The following MAPK10 variants were observed in gnomAD, a reference collection of about 807,000 sequenced individuals.
MAPK10 encodes JNK3 alpha protein kinase.
MAPK10 carries 25 observed loss-of-function variants against 59.3 expected under a neutral mutation model. The ratio of observed to expected loss-of-function variants is 0.42; its 90% CI spans 0.31 to 0.59. The LOEUF (loss-of-function observed/expected upper bound fraction) is 0.59. Among genes scored for constraint, MAPK10 ranks in the 20% least tolerant of loss-of-function variants. The pLI is 0.15. For missense variants in MAPK10, 351 were observed against 568.9 expected, an observed-to-expected ratio of 0.62 and a Z score of 3.90; for synonymous variants, 190 against 200.5, an observed-to-expected ratio of 0.95 and a Z score of 0.44.
At chr4:86,315,061 C>T (rs1458696210) in intron 2 of MAPK10, among the ~76,000 whole-genome samples, 1 of 151,964 alleles carries the variant, frequency 6.6e-6, no homozygotes, top group Non-Finnish European at 1.5e-5. Flanking sequence ...ATGAATATCC[C>T]TATATAGTCT....
At chr4:86,310,935 T>C (rs11737795) in intron 2 of MAPK10, among the ~76,000 whole-genome samples, 39,230 of 151,740 alleles carry the variant, frequency 0.26, 5,356 homozygotes, top group South Asian at 0.43. Context: ...TGGGCTGTTA[T>C]ATAGGTTTCC....
rs79193195 is a variant in MAPK10 at position 86,246,659 on chromosome 4, A to G, written c.-6-52252T>C. On this transcript the variant is annotated intron_variant, in intron 2 of 13. Transcript: ENST00000641462. ...AATAACTCACTTAAACCTCAGAGTA[A>G]TATCATGAGGTAGGTCCTGTTACCA... Among the ~76,000 whole-genome samples, 447 of 152,294 alleles carry G rather than the reference A, an allele frequency of 2.9e-3. 2 individuals carry two copies. Among genetic ancestry groups the G allele is most frequent in the African/African-American group, 0.01 (434 of 41,568 alleles).
Position 86,064,273 on chromosome 4 carries a change from A to G in MAPK10, c.1103T>C (p.Val368Ala). 1 of 1,614,046 alleles carries G rather than the reference A, an allele frequency of 6.2e-7. No individual in the cohort carries two copies. The highest frequency in any genetic ancestry group is 2.2e-5 in the East Asian group (1 of 44,878). The change falls in exon 11 of 14, where the codon GTG becomes GCG. Residue 368 changes from valine (V) to alanine (A), a missense_variant. Val to Ala is a moderately conservative substitution (Grantham distance 64, BLOSUM62 0). This residue lies in a region of MAPK10 where 155 missense variants were observed against 204.2 expected (regional missense o/e 0.76). Transcript: ENST00000641462. ...YINVWYDPAE[V>A]EAPPPQIYDK... Reference sequence around the variant, plus strand: ...AGGCAGCCTATTTCTTACCGCCTCCACTTCGGCTGGGTCATACCAGACGTT... The same window carrying G: ...AGGCAGCCTATTTCTTACCGCCTCCGCTTCGGCTGGGTCATACCAGACGTT...
chr4:86,390,130 C>T (rs558874302), intron 1 of MAPK10, among the ~76,000 whole-genome samples: 1 of 152,242 alleles, frequency 6.6e-6, no homozygotes, highest in Non-Finnish European at 1.5e-5. Flanking sequence ...TACTGAAATG[C>T]ATATCATTTT....
At chr4:86,281,465 G>A (rs2094800106) in intron 2 of MAPK10, among the ~76,000 whole-genome samples, 1 of 151,536 alleles carries the variant, frequency 6.6e-6, no homozygotes, top group African/African-American at 2.4e-5. Flanking sequence ...CACGTTCACT[G>A]CACTCTAGAC....
intron 2 of MAPK10, among the ~76,000 whole-genome samples, chr4:86,290,628 C>T (rs1178715050): frequency 6.6e-6 from 1 of 152,094 alleles, no homozygotes; most frequent in Non-Finnish European, 1.5e-5. Flanking sequence ...GGTTTTGGGT[C>T]TCTTTTATTT....
chr4:86,357,333 GAATTTATAACTAGGCTTACATCCAA>G (rs1735024908), intron 1 of MAPK10, among the ~76,000 whole-genome samples: 1 of 151,978 alleles, frequency 6.6e-6, no homozygotes, highest in South Asian at 2.1e-4. Context: ...AGTATAAAAA[GAATTTATAACTAGGCTTACATCCAA>G]AGAAACAGAT....
At chr4:86,591,589 G>A (rs2149117625) in intron 1 of MAPK10, among the ~76,000 whole-genome samples, 1 of 152,208 alleles carries the variant, frequency 6.6e-6, no homozygotes, top group East Asian at 1.9e-4. Flanking sequence ...GCCCAGACTG[G>A]TATTGAACTC....
In MAPK10 at chr4:86,147,699, T is replaced by C. The variant is rs184634283; in HGVS notation, c.236+11599A>G. ...TTAATGATTCTTTTAAAATTTGCCA[T>C]ATATCTGTGATATTTATTATCAAAT... On this transcript the variant is annotated intron_variant, in intron 4 of 13. Coordinates refer to ENST00000641462, the MANE Select transcript of MAPK10 (RefSeq NM_138982.4). 8.5e-5 allele frequency among the ~76,000 whole-genome samples: 13 copies of C among 152,350 alleles called. No individual in the cohort carries two copies. The East Asian group carries it at 2.1e-3, about 25-fold the overall frequency.
At chr4:86,195,206 C>T (rs963790329) in intron 2 of MAPK10, among the ~76,000 whole-genome samples, 8 of 152,080 alleles carry the variant, frequency 5.3e-5, no homozygotes, top group African/African-American at 1.9e-4. Flanking sequence ...ATCAGAGAAA[C>T]CCAAATAAAT....
intron 2 of MAPK10, among the ~76,000 whole-genome samples, chr4:86,205,980 A>T (rs1428596406): frequency 6.6e-6 from 1 of 152,056 alleles, no homozygotes; most frequent in Non-Finnish European, 1.5e-5. Context: ...AATTTTTAAA[A>T]TTGGCATACG....
At chr4:86,363,791 CT>C (rs766447194), upstream of MAPK10, among the ~76,000 whole-genome samples, 13 of 151,026 alleles carry the variant, frequency 8.6e-5, no homozygotes, top group Non-Finnish European at 1.5e-4. Context: ...AAATAAAACT[CT>C]TTTTTTTTGA....
At chr4:86,348,519 A>C (rs1166536668) in intron 2 of MAPK10, among the ~76,000 whole-genome samples, 1 of 152,108 alleles carries the variant, frequency 6.6e-6, no homozygotes, top group Non-Finnish European at 1.5e-5. Flanking sequence ...GGGACCTTAG[A>C]TCCTACAGTC....
intron 1 of MAPK10, among the ~76,000 whole-genome samples, chr4:86,391,342 A>C (rs1227337611): frequency 6.6e-6 from 1 of 152,242 alleles, no homozygotes; most frequent in African/African-American, 2.4e-5. Context: ...AAATGGAAAC[A>C]AAATCCTTTA....
chr4:86,552,690 A>G (rs1290626833), intron 1 of MAPK10, among the ~76,000 whole-genome samples: 3 of 151,992 alleles, frequency 2.0e-5, no homozygotes, highest in African/African-American at 4.8e-5. Context: ...TTTCAAGGAT[A>G]TTTTTATAGA....
intron 2 of MAPK10, among the ~76,000 whole-genome samples, chr4:86,339,983 T>C (rs994412220): frequency 2.0e-5 from 3 of 152,168 alleles, no homozygotes; most frequent in Non-Finnish European, 4.4e-5. Flanking sequence ...AATCCACAAA[T>C]TACCTAGGCA....
At chr4:86,572,741 G>A (rs554636419) in intron 1 of MAPK10, among the ~76,000 whole-genome samples, 1 of 152,270 alleles carries the variant, frequency 6.6e-6, no homozygotes, top group East Asian at 1.9e-4. Context: ...AATGCCAAAT[G>A]GCTGTGCCAT....
At chr4:86,280,744 A>G (rs1285047422) in intron 2 of MAPK10, among the ~76,000 whole-genome samples, 1 of 152,150 alleles carries the variant, frequency 6.6e-6, no homozygotes, top group Non-Finnish European at 1.5e-5. Context: ...CATATACACC[A>G]TGGAATACTA....
intron 1 of MAPK10, among the ~76,000 whole-genome samples, chr4:86,376,516 G>T (rs1240806045): frequency 6.6e-6 from 1 of 152,188 alleles, no homozygotes; most frequent in Non-Finnish European, 1.5e-5. Flanking sequence ...ACACATTTAA[G>T]TTGGTTGTTG....
Sources: allele counts gnomAD v4.1 joint callset (sites outside exome capture counted in the v4.1 genomes callset), GRCh38; gene constraint gnomAD v4.1.1; regional missense constraint gnomAD v4.1.1; transcripts MANE v1.5; gene names NCBI Gene and HGNC (gene_info 2026-07-23, HGNC 2026-07-21).